USH2A: variants seen among roughly 807,000 people sequenced by gnomAD.
USH2A encodes the protein usherin.
In USH2A, 443 loss-of-function variants were observed where a neutral mutation model predicts 538.9. The observed-to-expected ratio is 0.82, with a 90% CI of 0.76 to 0.89. The LOEUF is 0.89. Among genes scored for constraint, USH2A ranks in the 40% least tolerant of loss-of-function variants. The pLI, the probability that USH2A is intolerant of heterozygous loss-of-function variation, is 0.00. For synonymous variants in USH2A, 2,413 were observed against 2,273.5 expected (o/e 1.06, Z -1.75); for missense variants, 6,633 against 6,324.8 (o/e 1.05, Z -1.65).
intron 37 of USH2A, among the ~76,000 whole-genome samples, chr1:215,953,627 C>T (rs1379518415): frequency 2.6e-5 from 4 of 151,946 alleles, no homozygotes; most frequent in Non-Finnish European, 4.4e-5. Flanking sequence ...AAAACCTAGG[C>T]AATACCATTC....
intron 11 of USH2A, among the ~76,000 whole-genome samples, chr1:216,276,025 C>T (rs1242263514): frequency 6.6e-6 from 1 of 152,112 alleles, no homozygotes; most frequent in African/African-American, 2.4e-5. Flanking sequence ...AACCCTATGT[C>T]TCTAACCTCC....
intron 21 of USH2A, among the ~76,000 whole-genome samples, chr1:216,100,621 C>T (rs1571960855): frequency 6.6e-6 from 1 of 152,082 alleles, no homozygotes; most frequent in Non-Finnish European, 1.5e-5. Context: ...AAACTCTCTA[C>T]CAGTGTGTTG....
At chr1:216,009,031 C>A (rs1255200672) in intron 32 of USH2A, among the ~76,000 whole-genome samples, 1 of 152,006 alleles carries the variant, frequency 6.6e-6, no homozygotes, top group Non-Finnish European at 1.5e-5. Flanking sequence ...GGCAAATATC[C>A]CAACCTCGTA....
chr1:216,196,401 G>A, intron 19 of USH2A, 152 bp downstream of exon 19: 6 of 711,682 alleles, frequency 8.4e-6, no homozygotes, highest in South Asian at 3.8e-5. Context: ...TACAAAGAGG[G>A]AGGCTTGTAC....
intron 14 of USH2A, among the ~76,000 whole-genome samples, chr1:216,223,268 T>C (rs1356505530): frequency 6.6e-6 from 1 of 152,216 alleles, no homozygotes; most frequent in Non-Finnish European, 1.5e-5. Flanking sequence ...AGTTGCATGT[T>C]ATTCCTATTA....
intron 43 of USH2A, among the ~76,000 whole-genome samples, chr1:215,870,269 ATTT>A (rs10605290): frequency 1.5e-3 from 225 of 149,066 alleles, no homozygotes; most frequent in African/African-American, 5.4e-3. Flanking sequence ...AGGAAACAAG[ATTT>A]TTTTTTTATT....
intron 44 of USH2A, among the ~76,000 whole-genome samples, chr1:215,857,392 C>A (rs1233944188): frequency 6.6e-6 from 1 of 152,064 alleles, no homozygotes; most frequent in Non-Finnish European, 1.5e-5. Flanking sequence ...GAGAGCTTTA[C>A]TTCTCATAAA....
chr1:216,346,400 G>T (rs1358438347), intron 4 of USH2A, among the ~76,000 whole-genome samples: 2 of 151,986 alleles, frequency 1.3e-5, no homozygotes, highest in Non-Finnish European at 2.9e-5. Context: ...AAAATCTAAG[G>T]CTGTCTTGTG....
At chr1:216,201,325 T>C (rs1333922249) in intron 16 of USH2A, among the ~76,000 whole-genome samples, 1 of 149,584 alleles carries the variant, frequency 6.7e-6, no homozygotes, top group Admixed American at 6.7e-5. Context: ...TTTTTTTTTT[T>C]GAAGACAGGG....
At chr1:215,954,747 A>T (rs868725383) in intron 37 of USH2A, among the ~76,000 whole-genome samples, 12 of 152,228 alleles carry the variant, frequency 7.9e-5, no homozygotes, top group Admixed American at 1.3e-4. Context: ...AAATTTGAAA[A>T]TTTTTTGTAA....
chr1:215,648,775 G>A lies in USH2A; in HGVS notation c.14344-9C>T, dbSNP rs1017887391. 14 of 1,611,602 alleles carry A rather than the reference G, an allele frequency of 8.7e-6. No individual in the cohort carries two copies. The highest frequency in any genetic ancestry group is 1.7e-5 in the Admixed American group (1 of 60,004). The stretch of plus-strand genomic sequence containing the variant: ...GCCATGCCTTCGGATAGCTGTGGAA[G>A]GAAGGAAGGCTAGATAAAGGCAGTG... On this transcript the variant is annotated splice_polypyrimidine_tract_variant and intron_variant, in intron 65 of 71. Coordinates refer to ENST00000307340, the MANE Select transcript of USH2A (RefSeq NM_206933.4).
At chr1:215,964,920 T>G (rs1305308743) in intron 37 of USH2A, among the ~76,000 whole-genome samples, 1 of 152,184 alleles carries the variant, frequency 6.6e-6, no homozygotes, top group Non-Finnish European at 1.5e-5. Context: ...TGCAAAATTA[T>G]AGTTCAACTC....
At chr1:216,353,848 G>C (rs1215429595) in intron 4 of USH2A, among the ~76,000 whole-genome samples, 1 of 152,050 alleles carries the variant, frequency 6.6e-6, no homozygotes, top group Non-Finnish European at 1.5e-5. Context: ...TCAAAATGTA[G>C]AGCGCACAGA....
chr1:216,124,768 C>T (rs1277378055), intron 21 of USH2A, among the ~76,000 whole-genome samples: 1 of 152,142 alleles, frequency 6.6e-6, no homozygotes, highest in Non-Finnish European at 1.5e-5. Flanking sequence ...GCCATTTCCC[C>T]TAATTATTGC....
intron 31 of USH2A, among the ~76,000 whole-genome samples, chr1:216,048,216 T>C (rs1488262817): frequency 6.6e-6 from 1 of 152,208 alleles, no homozygotes; most frequent in African/African-American, 2.4e-5. Context: ...TTCTGAGCCA[T>C]AGTAAAATGA....
intron 61 of USH2A, among the ~76,000 whole-genome samples, chr1:215,684,763 C>G (rs1173218564): frequency 6.6e-6 from 1 of 152,144 alleles, no homozygotes; most frequent in African/African-American, 2.4e-5. Flanking sequence ...ATGATTCTCC[C>G]TTATCCTGGG....
At chr1:216,002,079 C>T (rs1668276812) in intron 32 of USH2A, among the ~76,000 whole-genome samples, 1 of 152,046 alleles carries the variant, frequency 6.6e-6, no homozygotes, top group African/African-American at 2.4e-5. Flanking sequence ...TGAGAGATGG[C>T]AGCAACAGTC....
chr1:216,067,499 A>AC (rs1319767341), intron 30 of USH2A, among the ~76,000 whole-genome samples: 14 of 151,638 alleles, frequency 9.2e-5, no homozygotes, highest in Admixed American at 2.0e-4. Context: ...AGGGAGAGAA[A>AC]AAAAAAAAAA....
chr1:216,108,580 C>T (rs1377605709), intron 21 of USH2A, among the ~76,000 whole-genome samples: 1 of 151,960 alleles, frequency 6.6e-6, no homozygotes, highest in Non-Finnish European at 1.5e-5. Flanking sequence ...CTGGAACCCA[C>T]ATCTCCATGT....
Sources: gnomAD v4.1 joint callset for allele counts (sites outside exome capture counted in the v4.1 genomes callset) on GRCh38, gnomAD v4.1.1 for gene constraint, MANE v1.5 for transcripts, NCBI Gene and HGNC (gene_info 2026-07-23, HGNC 2026-07-21) for gene names.